The following DISC1 variants were observed in gnomAD, a reference collection of about 807,000 sequenced individuals.
DISC1 encodes DISC1 scaffold protein.
A neutral mutation model predicts 84.5 loss-of-function variants in DISC1; 57 were observed. The ratio of observed to expected loss-of-function variants is 0.67; its 90% confidence interval spans 0.55 to 0.84. The LOEUF (loss-of-function observed/expected upper bound fraction) is 0.84. Among genes scored for constraint, DISC1 ranks in the 40% least tolerant of loss-of-function variants. The pLI is 0.00. For synonymous variants in DISC1, 411 were observed against 415.2 expected (o/e 0.99, Z 0.12); for missense variants, 1,000 against 1,057.8 (o/e 0.95, Z 0.76).
intron 9 of DISC1, among the ~76,000 whole-genome samples, chr1:231,935,231 A>G (rs2090907446): frequency 6.6e-6 from 1 of 152,198 alleles, no homozygotes. Context: ...TGGAAACACC[A>G]TTGGGTGGGG....
In DISC1 at chr1:231,857,299, T is replaced by G. The variant is rs190981285; in HGVS notation, c.1981+38782T>G. Among the ~76,000 whole-genome samples, 19 of 152,360 alleles carry G rather than the reference T, an allele frequency of 1.2e-4. No homozygotes were observed. The East Asian group carries it at 3.3e-3, about 26-fold the overall frequency. On this transcript the variant is annotated intron_variant, in intron 9 of 12. Transcript: ENST00000439617. The stretch of plus-strand genomic sequence containing the variant: ...TTTATTTCAGAAATTAAAGTACTAC[T>G]CTTACTTTTTCACACATTTCGAAGT...
At chr1:231,990,468 AG>A (rs1558813549) in intron 10 of DISC1, among the ~76,000 whole-genome samples, 2 of 152,058 alleles carry the variant, frequency 1.3e-5, no homozygotes, top group Non-Finnish European at 2.9e-5. Context: ...CGGGGGTGAT[AG>A]GGCTGCTTGG....
chr1:231,671,499 C>T (rs2062615288), intron 1 of DISC1, among the ~76,000 whole-genome samples: 2 of 152,106 alleles, frequency 1.3e-5, no homozygotes, highest in South Asian at 4.1e-4. Context: ...ATTAACATTA[C>T]CATAGCTCAG....
At chr1:231,910,838 G>A (rs1003086490) in intron 9 of DISC1, among the ~76,000 whole-genome samples, 4 of 152,160 alleles carry the variant, frequency 2.6e-5, no homozygotes, top group African/African-American at 9.7e-5. Flanking sequence ...CTAAGGACTT[G>A]CTTTATGAAT....
intron 1 of DISC1, among the ~76,000 whole-genome samples, chr1:231,631,718 GT>G (rs2058726152): frequency 6.6e-6 from 1 of 151,686 alleles, no homozygotes; most frequent in African/African-American, 2.4e-5. Flanking sequence ...TTTAAGCTGT[GT>G]TTTTATAAAA....
intron 10 of DISC1, among the ~76,000 whole-genome samples, chr1:231,969,348 G>A (rs942121186): frequency 1.3e-5 from 2 of 152,016 alleles, no homozygotes; most frequent in Non-Finnish European, 2.9e-5. Flanking sequence ...AAGTGGCAGG[G>A]ATCCTAGAGC....
intron 9 of DISC1, among the ~76,000 whole-genome samples, chr1:231,916,451 G>A (rs1000527752): frequency 2.0e-5 from 3 of 151,794 alleles, no homozygotes; most frequent in African/African-American, 7.3e-5. Context: ...TCAGGAGATC[G>A]AGACCATCCC....
At chr1:231,791,110 A>C (rs1203828945) in intron 6 of DISC1, among the ~76,000 whole-genome samples, 2 of 152,150 alleles carry the variant, frequency 1.3e-5, no homozygotes, top group Non-Finnish European at 2.9e-5. Context: ...GTAAGGTTTC[A>C]TTTGTTGAGG....
chr1:232,025,902 T>C (rs1432659433), intron 11 of DISC1, among the ~76,000 whole-genome samples: 1 of 152,126 alleles, frequency 6.6e-6, no homozygotes, highest in Non-Finnish European at 1.5e-5. Context: ...CTCCCATGTA[T>C]GGTGGTGGTA....
chr1:231,756,516 CGAGAGAGAGAGAGAGA>C (rs60818301), intron 4 of DISC1, among the ~76,000 whole-genome samples: 1,555 of 133,538 alleles, frequency 0.012, 18 homozygotes, highest in South Asian at 0.05. Context: ...ATGTGAATAT[CGAGAGAGAGAGAGAGA>C]GAGAGAGAGA....
intron 5 of DISC1, 117 bp downstream of exon 5, chr1:231,767,386 T>TGCAA: frequency 1.4e-6 from 2 of 1,418,598 alleles, no homozygotes; most frequent in Non-Finnish European, 1.9e-6. Flanking sequence ...CATTGCAGCC[T>TGCAA]TGAGCTCCTG....
chr1:231,904,615 C>T (rs758706016), intron 9 of DISC1, among the ~76,000 whole-genome samples: 1 of 152,116 alleles, frequency 6.6e-6, no homozygotes, highest in Non-Finnish European at 1.5e-5. Flanking sequence ...ATTTATATGT[C>T]TACTCCCAGC....
Position 231,665,196 on chromosome 1 carries a change from G to A in DISC1, c.68-28630G>A, listed in dbSNP as rs74563276. 9.8e-5 allele frequency among the ~76,000 whole-genome samples: 15 copies of A among 152,318 alleles called. No homozygotes were observed. The East Asian group carries it at 2.9e-3, about 29-fold the overall frequency. The stretch of plus-strand genomic sequence containing the variant: ...CATTGCTATTGTGGTGAGCTCAAGT[G>A]TGGGAAGTATCCACTTAAAATGCCA... On this transcript the variant is annotated intron_variant, in intron 1 of 12. Transcript: ENST00000439617.
chr1:231,782,775 CA>C (rs968088825), intron 6 of DISC1, among the ~76,000 whole-genome samples: 44 of 149,460 alleles, frequency 2.9e-4, no homozygotes, highest in African/African-American at 1.0e-3. Context: ...CCGTCTCTAC[CA>C]AAAAAAAATA....
chr1:231,950,792 T>C (rs1386938505), intron 9 of DISC1, among the ~76,000 whole-genome samples: 1 of 152,172 alleles, frequency 6.6e-6, no homozygotes, highest in Non-Finnish European at 1.5e-5. Context: ...ACTCGCCACA[T>C]AGCAAACATT....
At position 231,694,065 on chromosome 1, in the gene DISC1, G is replaced by A; in HGVS notation, c.307G>A (p.Ala103Thr). 1 of 1,614,180 alleles carries A rather than the reference G, an allele frequency of 6.2e-7. No homozygotes were observed. The highest frequency in any genetic ancestry group is 8.5e-7 in the Non-Finnish European group (1 of 1,180,022). ...LLVRSPVSKS[A>T]AAPTVTSVRG... The stretch of plus-strand genomic sequence containing the variant: ...GGTCCGGAGCCCTGTTTCCAAGAGT[G>A]CAGCAGCCCCTACTGTGACCTCTGT... Residue 103 changes from alanine to threonine, a missense_variant, in exon 2 of 13, where the codon GCA (alanine) becomes ACA (threonine). Physicochemically the swap from Ala to Thr is moderately conservative, Grantham distance 58. This residue lies in a region of DISC1 where 292 missense variants were observed against 280.2 expected (regional missense o/e 1.04). Transcript: ENST00000439617.
chr1:231,741,351 T>G (rs975584995), intron 3 of DISC1, among the ~76,000 whole-genome samples: 4 of 152,152 alleles, frequency 2.6e-5, no homozygotes, highest in African/African-American at 9.7e-5. Flanking sequence ...TTGATGAGAT[T>G]TATGTCTTAT....
chr1:231,902,510 A>G (rs753662368), intron 9 of DISC1, among the ~76,000 whole-genome samples: 1 of 152,116 alleles, frequency 6.6e-6, no homozygotes, highest in East Asian at 1.9e-4. Context: ...CTGAGGCAGG[A>G]GAATCACTTG....
intron 3 of DISC1, among the ~76,000 whole-genome samples, chr1:231,743,210 T>C (rs75979241): frequency 0.018 from 2,779 of 152,346 alleles, 40 homozygotes; most frequent in Middle Eastern, 0.044. Context: ...ATGATATTAC[T>C]AATAATAGAC....
Sources: gnomAD v4.1 joint callset for allele counts (sites outside exome capture counted in the v4.1 genomes callset) on GRCh38, gnomAD v4.1.1 for gene constraint, gnomAD v4.1.1 regional missense constraint, MANE v1.5 for transcripts, NCBI Gene and HGNC (gene_info 2026-07-23, HGNC 2026-07-21) for gene names.